The following NEB variants were observed in gnomAD, a reference collection of about 807,000 sequenced individuals.
The protein encoded by NEB is nebulin, also known as nemaline myopathy type 2.
Under a neutral mutation model 952.2 loss-of-function variants are expected in NEB, and 512 were observed. The ratio of observed to expected loss-of-function variants is 0.54; its 90% CI spans 0.50 to 0.58. The LOEUF (loss-of-function observed/expected upper bound fraction) is 0.58. Among genes scored for constraint, NEB ranks in the 20% least tolerant of loss-of-function variants. The pLI is 0.00. For missense variants in NEB, 8,428 were observed against 9,231.1 expected (o/e 0.91, Z 3.56); for synonymous variants, 2,900 against 3,149.8 (o/e 0.92, Z 2.66).
chr2:151,655,340 G>T lies in NEB; in HGVS notation c.6737C>A (p.Thr2246Asn). 1 of 1,599,980 alleles carries T rather than the reference G, an allele frequency of 6.3e-7. No individual in the cohort carries two copies. Residue 2246 changes from threonine to asparagine, a missense_variant, in exon 51 of 182, where the codon ACC (threonine) becomes AAC (asparagine). Around this residue, in one of 11 missense-constraint regions of NEB, gnomAD observed 2,851 missense variants for 2,791.5 expected, o/e 1.02. Transcript: ENST00000397345. ...LYTIDWNKDK[T>N]KIHVMPDTPD... The stretch of plus-strand genomic sequence containing the variant: ...TGTATCAGGCATCACATGAATCTTG[G>T]TCTTATCTTTATTCCAATCAATGGT...
intron 65 of NEB, 69 bp from the exon 66 acceptor site, chr2:151,631,415 A>G: frequency 6.7e-7 from 1 of 1,482,850 alleles, no homozygotes; most frequent in Non-Finnish European, 9.2e-7. Context: ...ATGCAAATAG[A>G]ATCAGTAATA....
rs2099385410 is a variant in NEB at position 151,677,976 on chromosome 2, A to G, written c.3467T>C (p.Val1156Ala). Residue 1156 changes from valine (V) to alanine (A), a missense_variant, in exon 33 of 182, where the codon GTC becomes GCC. By Grantham distance (64) the Val-to-Ala change is moderately conservative. Coordinates refer to ENST00000397345, the MANE Select transcript of NEB (RefSeq NM_001164508.2). ...VVAAKKAQDV[V>A]SNVNYKHSLH... ...AGAATGCTTATAGTTGACATTGCTG[A>G]CCACATCCTGGGCTTTCTTAGCCGC... is the stretch of plus-strand genomic sequence containing the variant. 1 of 1,613,764 alleles carries G rather than the reference A, an allele frequency of 6.2e-7. No individual in the cohort carries two copies. The highest frequency in any genetic ancestry group is 8.5e-7 in the Non-Finnish European group (1 of 1,179,860).
chr2:151,657,883 G>C, intron 48 of NEB, 100 bp downstream of exon 48: 2 of 822,398 alleles, frequency 2.4e-6, no homozygotes, highest in Middle Eastern at 4.4e-4. Context: ...GAGACCCACT[G>C]TTTTTCATAT....
intron 114 of NEB, among the ~76,000 whole-genome samples, 200 bp from the exon 115 acceptor site, chr2:151,566,020 A>G (rs544335030): frequency 2.0e-5 from 3 of 152,324 alleles, no homozygotes; most frequent in South Asian, 2.1e-4. Context: ...GTTTTGATGA[A>G]TAAGTATAAA....
intron 105 of NEB, among the ~76,000 whole-genome samples, chr2:151,576,958 G>A (rs1425113557): frequency 6.6e-6 from 1 of 152,138 alleles, no homozygotes; most frequent in Non-Finnish European, 1.5e-5. Context: ...CTGTGTGGTA[G>A]TGCCCATGTG....
At chr2:151,506,439 C>A in intron 163 of NEB, 181 bp from the exon 164 acceptor site, 1 of 567,076 alleles carries the variant, frequency 1.8e-6, no homozygotes, top group Non-Finnish European at 3.1e-6. Flanking sequence ...ACCAGTTATA[C>A]AACATGGATC....
intron 171 of NEB, 130 bp from the exon 172 acceptor site, chr2:151,497,163 T>A: frequency 7.7e-7 from 1 of 1,304,704 alleles, no homozygotes; most frequent in Non-Finnish European, 1.1e-6. Flanking sequence ...AGTTATATGC[T>A]GACAAAATGC....
chr2:151,642,549 C>A (rs762358309), intron 60 of NEB, 25 bp downstream of exon 60: 3 of 1,583,536 alleles, frequency 1.9e-6, no homozygotes, highest in Non-Finnish European at 2.6e-6. Context: ...AAAGCTAAGG[C>A]AAATAACTTT....
Position 151,627,171 on chromosome 2 carries a change from C to T in NEB, c.10178G>A (p.Gly3393Asp). Reference protein sequence around the residue: ...IYKSDLQWLRGIGWVPIGSMD... With the variant: ...IYKSDLQWLRDIGWVPIGSMD... ...AGACCCAATGGGGACCCAGCCAATG[C>T]CTCTCAGCCACTGGAGATCAGATTT... The change falls in exon 70 of 182, where the codon GGC (glycine) becomes GAC (aspartate). Residue 3393 changes from glycine to aspartate, a missense_variant. By Grantham distance (94) the Gly-to-Asp change is moderately conservative. Coordinates refer to ENST00000397345, the MANE Select transcript of NEB (RefSeq NM_001164508.2). The T allele has an allele frequency of 6.2e-7, 1 of 1,613,932 alleles. No individual in the cohort carries two copies. The highest frequency in any genetic ancestry group is 8.5e-7 in the Non-Finnish European group (1 of 1,179,860).
Position 151,643,165 on chromosome 2 carries a change from A to G in NEB, c.8145T>C (p.Ala2715=). The G allele has an allele frequency of 1.2e-6, 2 of 1,612,816 alleles. No individual in the cohort carries two copies. Among genetic ancestry groups the G allele is most frequent in the Non-Finnish European group, 1.7e-6 (2 of 1,178,968 alleles). ...SIPMVLAKNN[A]ITMNHRLYTE... ...TAGGACTTACATGATTCATGGTAAT[A>G]GCATTGTTTTTTGCCAAAACCATTG... Residue 2715 remains alanine (A), a synonymous_variant, in exon 58 of 182, where the codon GCT becomes GCC. Coordinates refer to ENST00000397345, the MANE Select transcript of NEB (RefSeq NM_001164508.2).
intron 95 of NEB, 101 bp downstream of exon 95, chr2:151,591,933 G>A (rs2097291132): frequency 6.9e-7 from 1 of 1,453,498 alleles, no homozygotes; most frequent in East Asian, 2.5e-5. Flanking sequence ...TAAAAGGAAT[G>A]GGAAGAAAAT....
At chr2:151,631,466 T>C in intron 65 of NEB, 120 bp from the exon 66 acceptor site, 1 of 1,075,938 alleles carries the variant, frequency 9.3e-7, no homozygotes, top group Non-Finnish European at 1.3e-6. Context: ...ACAAGCGCGT[T>C]GTATAAGGCA....
intron 123 of NEB, 88 bp downstream of exon 123, chr2:151,560,916 G>A: frequency 1.2e-6 from 1 of 848,154 alleles, no homozygotes; most frequent in Non-Finnish European, 1.8e-6. Flanking sequence ...AGCCTTTAGG[G>A]AAAGAGTGTC....
Position 151,710,449 on chromosome 2 carries a change from A to T in NEB, c.912T>A (p.Ala304=). 1.2e-6 allele frequency: 2 copies of T among 1,611,562 alleles called. No individual in the cohort carries two copies. The highest frequency in any genetic ancestry group is 2.2e-5 in the South Asian group (2 of 90,912). ...CFEVANARMN[A]DNISTRKYQE... is the part of the protein sequence containing the mutation. Reference sequence around the variant, plus strand: ...CCCACTTAACTGTGCTAATGTTATCAGCATTCATTCTGGCATTTGCAACTT... The same window carrying T: ...CCCACTTAACTGTGCTAATGTTATCTGCATTCATTCTGGCATTTGCAACTT... The change falls in exon 11 of 182, where the codon GCT becomes GCA. Residue 304 remains alanine, a synonymous_variant. Coordinates refer to ENST00000397345, the MANE Select transcript of NEB (RefSeq NM_001164508.2).
At chr2:151,711,295 A>G (rs2099744482) in intron 10 of NEB, among the ~76,000 whole-genome samples, 1 of 152,070 alleles carries the variant, frequency 6.6e-6, no homozygotes, top group African/African-American at 2.4e-5. Flanking sequence ...CCAACCCCAA[A>G]CCTGGGTCCA....
intron 13 of NEB, among the ~76,000 whole-genome samples, chr2:151,704,888 C>G (rs1440474344): frequency 6.6e-6 from 1 of 152,102 alleles, no homozygotes; most frequent in East Asian, 1.9e-4. Flanking sequence ...TGGCTCCTCC[C>G]CAAACTCAAA....
intron 70 of NEB, among the ~76,000 whole-genome samples, chr2:151,626,338 C>T (rs1306686609): frequency 6.6e-6 from 1 of 152,062 alleles, no homozygotes; most frequent in African/African-American, 2.4e-5. Flanking sequence ...TAATCTCAAA[C>T]TGCTGAGCTC....
chr2:151,659,923 G>T (rs551342717), intron 46 of NEB, among the ~76,000 whole-genome samples: 2 of 152,278 alleles, frequency 1.3e-5, no homozygotes, highest in South Asian at 2.1e-4. Context: ...CTCTGGTGAT[G>T]AATATTTAAC....
Position 151,570,128 on chromosome 2 carries a change from G to A in NEB, c.17383C>T (p.Gln5795Ter), listed in dbSNP as rs1180099800. 6.2e-7 allele frequency: 1 copy of A among 1,613,004 alleles called. No homozygotes were observed. Among genetic ancestry groups the A allele is most frequent in the Non-Finnish European group, 8.5e-7 (1 of 1,179,538 alleles). Residue 5795 changes from glutamine to a stop codon, truncating the protein, a stop_gained, in exon 109 of 182, where the codon CAG (glutamine) becomes TAG (stop). Coordinates refer to ENST00000397345, the MANE Select transcript of NEB (RefSeq NM_001164508.2). LOFTEE classifies it high-confidence loss of function. ...YLHQWTCMPD[Q>*]NDVIQAKKAY... is the part of the protein sequence containing the mutation. ...TTCTTGGCCTGAATCACATCGTTCT[G>A]GTCGGGCATGCAGGTCCACTGGTGC...
Sources: allele counts gnomAD v4.1 joint callset (sites outside exome capture counted in the v4.1 genomes callset), GRCh38; gene constraint gnomAD v4.1.1; regional missense constraint gnomAD v4.1.1; transcripts MANE v1.5; gene names NCBI Gene and HGNC (gene_info 2026-07-23, HGNC 2026-07-21).